PPFIBP2: variants seen among roughly 807,000 people sequenced by gnomAD.
PPFIBP2 encodes the protein liprin-beta-2.
Under a neutral mutation model 118.3 loss-of-function variants are expected in PPFIBP2, and 118 were observed. The ratio of observed to expected loss-of-function variants is 1.00; its 90% CI spans 0.86 to 1.16. The LOEUF (loss-of-function observed/expected upper bound fraction) is 1.16. PPFIBP2 is among the 50% of genes most tolerant of loss of function. PPFIBP2 has a pLI of 0.00. For synonymous variants in PPFIBP2, 414 were observed against 397.4 expected (o/e 1.04, Z -0.50); for missense variants, 1,195 against 1,073.1 (o/e 1.11, Z -1.59).
intron 3 of PPFIBP2, among the ~76,000 whole-genome samples, chr11:7,572,633 A>G (rs995046238): frequency 6.6e-6 from 1 of 152,184 alleles, no homozygotes; most frequent in Non-Finnish European, 1.5e-5. Flanking sequence ...CCCTCCACCT[A>G]CAAAAGAAAA....
intron 2 of PPFIBP2, among the ~76,000 whole-genome samples, chr11:7,554,228 C>T (rs1002977078): frequency 6.6e-6 from 1 of 151,316 alleles, no homozygotes; most frequent in Non-Finnish European, 1.5e-5. Context: ...ACAGTTACCA[C>T]GTATTTCAAC....
chr11:7,655,845 C>A (rs1343467215), downstream of PPFIBP2, among the ~76,000 whole-genome samples: 1 of 152,032 alleles, frequency 6.6e-6, no homozygotes, highest in Non-Finnish European at 1.5e-5. Context: ...CAGCCTAGAG[C>A]CCAGGCTGCA....
intron 15 of PPFIBP2, chr11:7,641,204 C>T (rs1852146860): frequency 1.2e-6 from 1 of 845,662 alleles, no homozygotes; most frequent in Non-Finnish European, 1.7e-6. Context: ...AAAGAAGCTG[C>T]TTGTTGGAAT....
chr11:7,561,938 G>C (rs1854342010), intron 2 of PPFIBP2, among the ~76,000 whole-genome samples: 1 of 152,234 alleles, frequency 6.6e-6, no homozygotes, highest in African/African-American at 2.4e-5. Context: ...CCAGGGAACA[G>C]TTTTGTCGAA....
chr11:7,605,463 A>G (rs890494486), intron 5 of PPFIBP2, among the ~76,000 whole-genome samples: 3 of 152,226 alleles, frequency 2.0e-5, no homozygotes, highest in Admixed American at 1.3e-4. Context: ...ATCAGCTGTA[A>G]TTAGATAGCA....
At chr11:7,572,880 A>T (rs1224344402) in intron 3 of PPFIBP2, among the ~76,000 whole-genome samples, 1 of 152,172 alleles carries the variant, frequency 6.6e-6, no homozygotes, top group Non-Finnish European at 1.5e-5. Context: ...CCCAGGTTCA[A>T]GCAATTCTCC....
rs1288127479 is a variant in PPFIBP2 at position 7,642,409 on chromosome 11, C to A, written c.1629C>A (p.Asp543Glu). ...GGCCAAGACTCTCTAGGACCAGGGA[C>A]TCCAAGGGACAGAAAAGGTAAGGCT... Reference protein sequence around the residue: ...TAGPRLSRTRDSKGQKSDANA... With the variant: ...TAGPRLSRTRESKGQKSDANA... Residue 543 changes from aspartate (D) to glutamate (E), a missense_variant, in exon 17 of 24, where the codon GAC (aspartate) becomes GAA (glutamate). Transcript: ENST00000299492. 3 of 1,613,518 alleles carry A rather than the reference C, an allele frequency of 1.9e-6. No individual in the cohort carries two copies. Among genetic ancestry groups the A allele is most frequent in the African/African-American group, 1.3e-5 (1 of 74,914 alleles).
At chr11:7,564,310 A>C (rs1854695500) in intron 2 of PPFIBP2, among the ~76,000 whole-genome samples, 1 of 152,196 alleles carries the variant, frequency 6.6e-6, no homozygotes, top group African/African-American at 2.4e-5. Context: ...ATTTTGTCAG[A>C]TTCCTTTTCA....
At chr11:7,560,883 CA>C (rs2134666958) in intron 2 of PPFIBP2, among the ~76,000 whole-genome samples, 1 of 152,088 alleles carries the variant, frequency 6.6e-6, no homozygotes, top group African/African-American at 2.4e-5. Flanking sequence ...TTTACCAATG[CA>C]AAAACATTTT....
chr11:7,559,801 A>G (rs7478756), intron 2 of PPFIBP2, among the ~76,000 whole-genome samples: 78,984 of 151,920 alleles, frequency 0.52, 22,311 homozygotes, highest in African/African-American at 0.75. Flanking sequence ...GTTCCTCCCT[A>G]TATCTGGGTA....
intron 1 of PPFIBP2, among the ~76,000 whole-genome samples, chr11:7,515,112 A>T (rs1306682149): frequency 1.3e-5 from 2 of 152,238 alleles, no homozygotes; most frequent in Non-Finnish European, 2.9e-5. Context: ...TTATAGGTGT[A>T]TGGAAAGCTG....
chr11:7,522,135 ACCCACTGAGGTAGCT>A (rs1185901655), intron 1 of PPFIBP2, among the ~76,000 whole-genome samples: 1 of 152,160 alleles, frequency 6.6e-6, no homozygotes, highest in Non-Finnish European at 1.5e-5. Context: ...TGTTAGAATA[ACCCACTGAGGTAGCT>A]CAGGACCTAA....
chr11:7,531,175 T>C lies in PPFIBP2; in HGVS notation c.-37+17054T>C, dbSNP rs140785286. ...GTGGGGGATTCCTAGATCACTTTTC[T>C]TGGGAAAGTCCCTAAACCACTTTCT... On this transcript the variant is annotated intron_variant, in intron 1 of 23. Transcript: ENST00000299492. 2.0e-3 allele frequency among the ~76,000 whole-genome samples: 307 copies of C among 152,286 alleles called. 3 individuals are homozygous for C. Among genetic ancestry groups the C allele is most frequent in the African/African-American group, 7.0e-3 (292 of 41,556 alleles).
intron 17 of PPFIBP2, 68 bp downstream of exon 17, chr11:7,642,494 A>C: frequency 6.6e-7 from 1 of 1,523,322 alleles, no homozygotes; most frequent in Non-Finnish European, 8.8e-7. Flanking sequence ...TCAAACCTGC[A>C]TGGGTGAATC....
chr11:7,617,708 T>G (rs1263746290), intron 6 of PPFIBP2, among the ~76,000 whole-genome samples: 2 of 152,064 alleles, frequency 1.3e-5, no homozygotes, highest in African/African-American at 4.8e-5. Context: ...AAAGAAGTAT[T>G]ATGAAAAAGA....
At chr11:7,534,928 A>G (rs1170314008) in intron 1 of PPFIBP2, among the ~76,000 whole-genome samples, 1 of 152,246 alleles carries the variant, frequency 6.6e-6, no homozygotes, top group Non-Finnish European at 1.5e-5. Flanking sequence ...GCTCTCAAAT[A>G]GAAGGCACCA....
chr11:7,639,288 T>C (rs1851825468), intron 14 of PPFIBP2, among the ~76,000 whole-genome samples: 2 of 152,330 alleles, frequency 1.3e-5, no homozygotes, highest in African/African-American at 4.8e-5. Context: ...CAGTTTCCTC[T>C]CTTGCAGGAT....
At position 7,647,188 on chromosome 11, in the gene PPFIBP2, T is replaced by C. The variant is rs1280473109; in HGVS notation, c.1647-1199T>C. The stretch of plus-strand genomic sequence containing the variant: ...TAAAAAAATATGTTTTAATCTAATA[T>C]GTTAGGGGTACTTTGAAGGAATCTT... On this transcript the variant is annotated intron_variant, in intron 17 of 23. Transcript: ENST00000299492. 3.9e-5 allele frequency among the ~76,000 whole-genome samples: 6 copies of C among 152,190 alleles called. 1 individual carries two copies. Among genetic ancestry groups the C allele is most frequent in the Non-Finnish European group, 8.8e-5 (6 of 68,032 alleles).
At chr11:7,596,537 C>A (rs553689093) in intron 4 of PPFIBP2, among the ~76,000 whole-genome samples, 21 of 152,128 alleles carry the variant, frequency 1.4e-4, no homozygotes, top group African/African-American at 4.8e-4. Context: ...TAGATTAGTT[C>A]CTTTTTAAAC....
Sources: gnomAD v4.1 joint callset for allele counts (sites outside exome capture counted in the v4.1 genomes callset) on GRCh38, gnomAD v4.1.1 for gene constraint, MANE v1.5 for transcripts, NCBI Gene and HGNC (gene_info 2026-07-23, HGNC 2026-07-21) for gene names.